Variants in NONO observed in about 807,000 individuals in gnomAD.
NONO encodes non-POU domain containing octamer binding, also known as non-POU domain-containing octamer-binding protein.
NONO carries 6 observed loss-of-function variants against 40.2 expected under a neutral mutation model. That is an observed-to-expected ratio of 0.15 (90% confidence interval 0.08 to 0.29). NONO has a LOEUF of 0.29. Among genes scored for constraint, NONO ranks in the 10% least tolerant of loss-of-function variants. The pLI is 1.00. For synonymous variants in NONO, 89 were observed against 123.3 expected, an observed-to-expected ratio of 0.72 and a Z score of 1.85; for missense variants, 133 against 397.8, an observed-to-expected ratio of 0.33 and a Z score of 5.66.
At position 71,297,450 on chromosome X, in the gene NONO, A is replaced by G. The variant is rs1225687425; in HGVS notation, c.1017A>G (p.Gln339=). The G allele has an allele frequency of 1.1e-5, 13 of 1,174,602 alleles. No individual in the cohort carries two copies. In the East Asian group the frequency reaches 1.6e-4, roughly 14 times the overall value. ...LHNQEVQKRK[Q]LELRQEEERR... is the part of the protein sequence containing the mutation. ...ACCAAGAGGTGCAAAAACGAAAGCA[A>G]CTGGAGCTCAGGTAACTTTTCTCGA... Residue 339 remains glutamine (Q), a synonymous_variant, in exon 8 of 12, where the codon CAA becomes CAG. Coordinates refer to ENST00000276079, the MANE Select transcript of NONO (RefSeq NM_007363.5).
rs2031549104 is a variant in NONO at position 71,300,229 on chromosome X, C to T, written c.*153C>T. 3 of 609,486 alleles carry T rather than the reference C, an allele frequency of 4.9e-6. No homozygotes were observed. Among genetic ancestry groups the T allele is most frequent in the Admixed American group, 5.6e-5 (2 of 35,958 alleles). 50.2% of individuals were successfully genotyped at this position (609,486 alleles called of 1,213,427 possible). ...TAGGGAGTATGCTGGAGGCAGAGGG[C>T]AAGGGAGGGGTGGTATTAAACAAGT... On this transcript the variant is annotated 3_prime_UTR_variant, in exon 12 of 12. Transcript: ENST00000276079.
At chrX:71,283,875 C>T (rs1232327825) in intron 1 of NONO, 154 bp downstream of exon 1, 1 of 112,174 alleles carries the variant, frequency 8.9e-6, no homozygotes, top group Non-Finnish European at 1.9e-5. Flanking sequence ...ACACTGCCTT[C>T]TCAGCCCACC....
In NONO at chrX:71,300,381, A is replaced by T. The variant is rs1602391915; in HGVS notation, c.*305A>T. 2 of 271,550 alleles carry T rather than the reference A, an allele frequency of 7.4e-6. No individual in the cohort carries two copies. The allele number at this position is 271,550 out of a possible 1,213,427, so 22.4% of individuals were successfully genotyped here. A position where few individuals can be genotyped will look rare whatever the true frequency, so the allele number is the denominator to read the frequency against. On this transcript the variant is annotated 3_prime_UTR_variant, in exon 12 of 12. Coordinates refer to ENST00000276079, the MANE Select transcript of NONO (RefSeq NM_007363.5). ...CAGTTAGAGCCCATTAATCTTGATC[A>T]TTCCGGTTTTTTTTTTTTTTGTCCA...
intron 11 of NONO, 75 bp from the exon 12 acceptor site, chrX:71,299,867 G>A: frequency 8.8e-7 from 1 of 1,141,084 alleles, no homozygotes. Context: ...ATAGCCTCCA[G>A]TGGAGGGACT....
At chrX:71,285,138 A>G (rs1228926817) in intron 2 of NONO, 2 of 112,129 alleles carry the variant, frequency 1.8e-5, no homozygotes, top group African/African-American at 3.2e-5. Context: ...GTGCTTTATT[A>G]TGATAGTCTT....
intron 8 of NONO, 179 bp downstream of exon 8, chrX:71,297,640 C>T (rs1276269052): frequency 8.1e-6 from 4 of 492,573 alleles, no homozygotes; most frequent in Admixed American, 8.0e-5. Flanking sequence ...TAGAAGTTAC[C>T]TGCTAAAAAG....
chrX:71,295,214 C>T (rs1323405084), intron 5 of NONO, among the ~76,000 whole-genome samples: 2 of 80,939 alleles, frequency 2.5e-5, no homozygotes, highest in South Asian at 1.3e-3. Flanking sequence ...GAGCAAGACT[C>T]TGTCTCAAAA....
At chrX:71,296,808 G>A in intron 6 of NONO, 43 bp from the exon 7 acceptor site, 5 of 1,154,981 alleles carry the variant, frequency 4.3e-6, no homozygotes, top group Non-Finnish European at 5.8e-6. Flanking sequence ...CTTAGCTGGG[G>A]TAATTCTGGA....
chrX:71,297,713 T>G lies in NONO; in HGVS notation c.1029-123T>G. On this transcript the variant is annotated intron_variant, in intron 8 of 11. Transcript: ENST00000276079. ...GGGTTGCCTCAGGGCTGGGCACACT[T>G]AACAGTGAGTTTCCTGGTGAACTGA... The G allele has an allele frequency of 1.1e-5, 6 of 559,515 alleles. No homozygotes were observed. The South Asian group carries it at 1.8e-4, about 17-fold the overall frequency. 46.1% of individuals were successfully genotyped at this position (559,515 alleles called of 1,213,427 possible). A position where few individuals can be genotyped will look rare whatever the true frequency, so the allele number is the denominator to read the frequency against.
chrX:71,292,924 G>A (rs2031357528), intron 4 of NONO: 1 of 112,491 alleles, frequency 8.9e-6, no homozygotes, highest in Non-Finnish European at 1.9e-5. Context: ...CTGCACTTCA[G>A]CCTGGGTGAT....
rs775629049 is a variant in NONO, at chrX:71,296,674, A to G, written c.746+14A>G. ...GCAATTTCACAAGTATGCAGTCTTG[A>G]TAGATTTCCCTATTAGGTGTTTCCT... is the stretch of plus-strand genomic sequence containing the variant. On this transcript the variant is annotated intron_variant, in intron 6 of 11. Coordinates refer to ENST00000276079, the MANE Select transcript of NONO (RefSeq NM_007363.5). 8.8e-7 allele frequency: 1 copy of G among 1,136,189 alleles called. No individual in the cohort carries two copies. 93.6% of individuals were successfully genotyped at this position (1,136,189 alleles called of 1,213,427 possible).
chrX:71,293,920 G>A (rs759388482), intron 4 of NONO: 3 of 270,753 alleles, frequency 1.1e-5, no homozygotes, highest in Non-Finnish European at 1.3e-5. Flanking sequence ...GTGAGCCACC[G>A]TACCCGGCCA....
intron 2 of NONO, among the ~76,000 whole-genome samples, chrX:71,286,208 A>G (rs2031185251): frequency 8.9e-6 from 1 of 112,060 alleles, no homozygotes. Context: ...TTAATGAGAA[A>G]CAAAATTGAT....
Position 71,294,361 on chromosome X carries a change from C to T in NONO, c.483C>T (p.Asn161=), listed in dbSNP as rs1477010918. Residue 161 remains asparagine, a synonymous_variant, in exon 5 of 12, where the codon AAC becomes AAT. Transcript: ENST00000276079. ...TVRNLPQYVS[N]ELLEEAFSVF... is the part of the protein sequence containing the mutation. ...GAAACCTTCCTCAGTATGTGTCCAA[C>T]GAACTGCTGGAAGAAGCCTTTTCTG... 8.3e-6 allele frequency: 10 copies of T among 1,210,358 alleles called. No homozygotes were observed. In the East Asian group the frequency reaches 1.2e-4, roughly 14 times the overall value.
In NONO at chrX:71,297,850, G is replaced by A. The variant is rs2031486110; in HGVS notation, c.1043G>A (p.Arg348His). 2.5e-6 allele frequency: 3 copies of A among 1,207,685 alleles called. No homozygotes were observed. Among genetic ancestry groups the A allele is most frequent in the East Asian group, 3.0e-5 (1 of 33,816 alleles). The change falls in exon 9 of 12, where the codon CGC becomes CAC. Residue 348 changes from arginine (R) to histidine (H), a missense_variant. Physicochemically the swap from Arg to His is conservative, Grantham distance 29. Around this residue, in one of 3 missense-constraint regions of NONO, gnomAD observed 73 missense variants for 162.2 expected, o/e 0.45. Transcript: ENST00000276079. ...KQLELRQEEE[R>H]RRREEEMRRQ... ...ACTCTCTGTAGGCAGGAGGAAGAGC[G>A]CAGGCGCCGTGAAGAAGAGATGCGG...
intron 5 of NONO, among the ~76,000 whole-genome samples, 187 bp from the exon 6 acceptor site, chrX:71,296,378 C>T (rs778041265): frequency 3.6e-5 from 4 of 111,521 alleles, no homozygotes; most frequent in Non-Finnish European, 7.5e-5. Context: ...TCCCAAAGTG[C>T]TGGGATTACA....
At chrX:71,293,944 T>C in intron 4 of NONO, 2 of 317,729 alleles carry the variant, frequency 6.3e-6, no homozygotes, top group Non-Finnish European at 1.1e-5. Flanking sequence ...GTCTTTGTTT[T>C]CTGGATGATC....
chrX:71,294,692 C>T (rs1440247484), intron 5 of NONO, among the ~76,000 whole-genome samples, 164 bp downstream of exon 5: 2 of 111,769 alleles, frequency 1.8e-5, no homozygotes, highest in Non-Finnish European at 3.8e-5. Flanking sequence ...CCGGGGCAGG[C>T]GGATCACCTG....
In NONO at chrX:71,284,088, C is replaced by T. The variant is rs1314957219; in HGVS notation, c.-66-309C>T. On this transcript the variant is annotated intron_variant, in intron 1 of 11. Coordinates refer to ENST00000276079, the MANE Select transcript of NONO (RefSeq NM_007363.5). ...TTGGTTAGAGGAGGAGGCGCTTTGT[C>T]GGGCGCTCCTCCTCTCGGCCCCGCG... 3.6e-5 allele frequency: 4 copies of T among 111,611 alleles called. No homozygotes were observed. The Admixed American group carries it at 3.8e-4, about 11-fold the overall frequency. The allele number at this position is 111,611 out of a possible 1,213,427, so 9.2% of individuals were successfully genotyped here. A position where few individuals can be genotyped will look rare whatever the true frequency, so the allele number is the denominator to read the frequency against.
Sources: allele counts gnomAD v4.1 joint callset (sites outside exome capture counted in the v4.1 genomes callset), GRCh38; gene constraint gnomAD v4.1.1; regional missense constraint gnomAD v4.1.1; transcripts MANE v1.5; gene names NCBI Gene and HGNC (gene_info 2026-07-23, HGNC 2026-07-21).